The following CPB2 variants were observed in gnomAD, a reference collection of about 807,000 sequenced individuals.
CPB2 encodes the protein carboxypeptidase B2, also known as carboxypeptidase B-like protein.
Under a neutral mutation model 57.0 loss-of-function variants are expected in CPB2, and 54 were observed. That is an observed-to-expected ratio of 0.95 (90% CI 0.76 to 1.19). CPB2 has a LOEUF of 1.19. Ranked by LOEUF, CPB2 falls within the 50% of genes most tolerant of loss-of-function variation. CPB2 has a pLI of 0.00. For synonymous variants in CPB2, 189 were observed against 178.1 expected (o/e 1.06, Z -0.49); for missense variants, 426 against 512.0 (o/e 0.83, Z 1.62).
At position 46,067,413 on chromosome 13, in the gene CPB2, G is replaced by C. The variant is rs2044873686; in HGVS notation, c.596C>G (p.Thr199Ser). 6.8e-7 allele frequency: 1 copy of C among 1,475,796 alleles called. No homozygotes were observed. The highest frequency in any genetic ancestry group is 1.4e-5 in the African/African-American group (1 of 71,714). 91.4% of individuals were successfully genotyped at this position (1,475,796 alleles called of 1,614,324 possible). Residue 199 changes from threonine (T) to serine (S), a missense_variant, in exon 7 of 11, where the codon ACT (threonine) becomes AGT (serine). By Grantham distance (58) the Thr-to-Ser change is moderately conservative. Transcript: ENST00000181383. ...AFCLWFIGHI[T>S]QFYGIIGQYT... is the part of the protein sequence containing the mutation. ...TTGCCCTATTATCCCATAGAATTGA[G>C]TTATCTGCAAATTAAACCAAGTATA...
chr13:46,092,852 AG>A (rs1370916546), intron 1 of CPB2, among the ~76,000 whole-genome samples: 5 of 152,138 alleles, frequency 3.3e-5, no homozygotes, highest in African/African-American at 1.2e-4. Context: ...GAAGTTAGAA[AG>A]GTAACATTTG....
At chr13:46,065,349 G>T (rs1027748497) in intron 7 of CPB2, among the ~76,000 whole-genome samples, 3 of 152,112 alleles carry the variant, frequency 2.0e-5, no homozygotes, top group Non-Finnish European at 2.9e-5. Context: ...TGCACAGGCC[G>T]GGCGCGGTGG....
At chr13:46,083,591 G>T (rs1195589092) in intron 3 of CPB2, among the ~76,000 whole-genome samples, 1 of 152,148 alleles carries the variant, frequency 6.6e-6, no homozygotes, top group Non-Finnish European at 1.5e-5. Flanking sequence ...TAAGAAGAAG[G>T]CTAGACTGTG....
chr13:46,058,519 A>G, intron 8 of CPB2, 138 bp from the exon 9 acceptor site: 3 of 682,156 alleles, frequency 4.4e-6, no homozygotes, highest in Admixed American at 2.7e-5. Context: ...TGCAAAGAAC[A>G]TAGTTCCACT....
chr13:46,102,049 A>T (rs2045440815), intron 1 of CPB2, among the ~76,000 whole-genome samples: 1 of 152,216 alleles, frequency 6.6e-6, no homozygotes, highest in Admixed American at 6.5e-5. Flanking sequence ...GTTCTTTGAG[A>T]TGAAAACAAT....
chr13:46,095,542 C>T (rs933630393), intron 1 of CPB2, among the ~76,000 whole-genome samples: 17 of 152,134 alleles, frequency 1.1e-4, no homozygotes, highest in African/African-American at 1.4e-4. Flanking sequence ...GCATCTTTGC[C>T]GGGGTAGAGT....
chr13:46,086,004 T>G (rs2045197820), intron 2 of CPB2, among the ~76,000 whole-genome samples: 1 of 152,130 alleles, frequency 6.6e-6, no homozygotes, highest in African/African-American at 2.4e-5. Context: ...GCATGCTGGC[T>G]GCGGCAGGGT....
At chr13:46,076,348 C>A (rs2045021871) in intron 5 of CPB2, among the ~76,000 whole-genome samples, 1 of 150,764 alleles carries the variant, frequency 6.6e-6, no homozygotes, top group African/African-American at 2.4e-5. Flanking sequence ...ACAACAATAG[C>A]AGACAACCTA....
chr13:46,080,437 A>G (rs1454861823), intron 4 of CPB2, among the ~76,000 whole-genome samples: 2 of 152,126 alleles, frequency 1.3e-5, no homozygotes, highest in Non-Finnish European at 2.9e-5. Context: ...AGCACAAGAC[A>G]TTTTCTATAA....
At chr13:46,071,534 C>T (rs1239896445) in intron 6 of CPB2, among the ~76,000 whole-genome samples, 1 of 152,158 alleles carries the variant, frequency 6.6e-6, no homozygotes, top group African/African-American at 2.4e-5. Context: ...TTAGGTGACT[C>T]TCACACATGG....
chr13:46,080,194 AAGT>A (rs1379777163), intron 4 of CPB2, among the ~76,000 whole-genome samples: 1 of 152,190 alleles, frequency 6.6e-6, no homozygotes, highest in East Asian at 1.9e-4. Context: ...TTCTTCTAAG[AAGT>A]AATTTTTGGC....
chr13:46,073,393 C>A (rs2044972545), intron 6 of CPB2: 1 of 745,992 alleles, frequency 1.3e-6, no homozygotes, highest in South Asian at 5.9e-5. Context: ...CAAAACCCTT[C>A]TTCAGGAACA....
chr13:46,070,626 G>A (rs993094753), intron 6 of CPB2, among the ~76,000 whole-genome samples: 4 of 151,930 alleles, frequency 2.6e-5, no homozygotes, highest in South Asian at 2.1e-4. Flanking sequence ...AGTACATAAC[G>A]ACATATAGGT....
At chr13:46,087,122 C>G (rs2045220457) in intron 2 of CPB2, among the ~76,000 whole-genome samples, 1 of 152,034 alleles carries the variant, frequency 6.6e-6, no homozygotes, top group Non-Finnish European at 1.5e-5. Flanking sequence ...TCCTGGCCCC[C>G]AAGAGCACAG....
At chr13:46,063,131 A>G (rs2139356006) in intron 8 of CPB2, among the ~76,000 whole-genome samples, 2 of 152,272 alleles carry the variant, frequency 1.3e-5, no homozygotes, top group Non-Finnish European at 2.9e-5. Flanking sequence ...AGTGGGTGGG[A>G]AGAAAGAGTG....
At chr13:46,066,871 A>G (rs2044863740) in intron 7 of CPB2, among the ~76,000 whole-genome samples, 1 of 151,126 alleles carries the variant, frequency 6.6e-6, no homozygotes, top group Non-Finnish European at 1.5e-5. Context: ...AAAAGTTATT[A>G]TACAATTGAA....
intron 8 of CPB2, among the ~76,000 whole-genome samples, chr13:46,064,079 GAAATCCCATCTGTACTA>G (rs1316145097): frequency 6.6e-6 from 1 of 151,910 alleles, no homozygotes; most frequent in Non-Finnish European, 1.5e-5. Context: ...CCAACATGGT[GAAATCCCATCTGTACTA>G]AAAAAAATAC....
chr13:46,103,155 TA>T (rs1178873248), intron 1 of CPB2, among the ~76,000 whole-genome samples: 6 of 152,230 alleles, frequency 3.9e-5, no homozygotes, highest in African/African-American at 1.4e-4. Flanking sequence ...TGTGTTTTGC[TA>T]TTGATTATCC....
chr13:46,104,204 A>T (rs1218107812), intron 1 of CPB2, among the ~76,000 whole-genome samples: 1 of 152,204 alleles, frequency 6.6e-6, no homozygotes, highest in African/African-American at 2.4e-5. Flanking sequence ...TCTGTCTCAA[A>T]GATAATTGGA....
Sources: gnomAD v4.1 joint callset for allele counts (sites outside exome capture counted in the v4.1 genomes callset) on GRCh38, gnomAD v4.1.1 for gene constraint, MANE v1.5 for transcripts, NCBI Gene and HGNC (gene_info 2026-07-23, HGNC 2026-07-21) for gene names.